Variants in WNT5B observed in about 807,000 individuals in gnomAD.
WNT5B encodes Wnt family member 5B.
WNT5B carries 18 observed loss-of-function variants against 36.5 expected under a neutral mutation model. That is an observed-to-expected ratio of 0.49 (90% CI 0.34 to 0.73). WNT5B has a LOEUF of 0.73. Ranked by LOEUF, WNT5B falls within the 30% of genes least tolerant of loss-of-function variation. The pLI is 0.01. For synonymous variants in WNT5B, 213 were observed against 212.3 expected, an observed-to-expected ratio of 1.00 and a Z score of -0.03; for missense variants, 424 against 508.4, an observed-to-expected ratio of 0.83 and a Z score of 1.60.
chr12:1,621,724 T>G (rs1592514495), intron 1 of WNT5B, among the ~76,000 whole-genome samples: 1 of 130,056 alleles, frequency 7.7e-6, no homozygotes, highest in African/African-American at 3.0e-5. Flanking sequence ...TTTTTTTTTT[T>G]GGTAGAGATG....
Position 1,645,853 on chromosome 12 carries a change from C to A in WNT5B, c.681C>A (p.Ser227Arg). 6.2e-7 allele frequency: 1 copy of A among 1,609,852 alleles called. No homozygotes were observed. Among genetic ancestry groups the A allele is most frequent in the Admixed American group, 1.7e-5 (1 of 59,886 alleles). Residue 227 changes from serine to arginine, a missense_variant, in exon 5 of 5, where the codon AGC becomes AGA. Physicochemically the swap from Ser to Arg is moderately radical, Grantham distance 110 (BLOSUM62 -1). Coordinates refer to ENST00000397196, the MANE Select transcript of WNT5B (RefSeq NM_032642.3). ...CKCHGVSGSC[S>R]LKTCWLQLAE... ...GCCACGGCGTCTCGGGGTCCTGCAG[C>A]CTCAAGACCTGCTGGCTGCAGCTGG...
At chr12:1,626,581 T>G (rs562098882), upstream of WNT5B, among the ~76,000 whole-genome samples, 1 of 150,580 alleles carries the variant, frequency 6.6e-6, no homozygotes, top group East Asian at 1.9e-4. Context: ...TTTTTTTTTT[T>G]TCAGACGGAG....
At chr12:1,640,271 G>T (rs910621043) in intron 4 of WNT5B, among the ~76,000 whole-genome samples, 7 of 152,134 alleles carry the variant, frequency 4.6e-5, no homozygotes, top group Non-Finnish European at 1.5e-5. Flanking sequence ...AATTCCAGAC[G>T]TAAGGATTAG....
chr12:1,623,187 G>GTTGTTTTTTTTT (rs1555156806), intron 1 of WNT5B, among the ~76,000 whole-genome samples: 14 of 58,366 alleles, frequency 2.4e-4, no homozygotes, highest in African/African-American at 9.4e-4. Flanking sequence ...GTTTTTTGTT[G>GTTGTTTTTTTTT]TTTTTTTTTT....
chr12:1,627,569 C>A (rs142072115), upstream of WNT5B, among the ~76,000 whole-genome samples: 5 of 152,248 alleles, frequency 3.3e-5, no homozygotes, highest in Non-Finnish European at 7.4e-5. The surrounding 1 kb of genome is among the most constrained non-coding windows in gnomAD (Gnocchi z 5.0). Context: ...ATGGACATGG[C>A]CCCTTAAGGA....
Position 1,639,690 on chromosome 12 carries a change from G to T in WNT5B, c.335G>T (p.Arg112Leu). 1.9e-6 allele frequency: 3 copies of T among 1,559,396 alleles called. No individual in the cohort carries two copies. The highest frequency in any genetic ancestry group is 1.2e-5 in the South Asian group (1 of 85,346). Residue 112 changes from arginine (R) to leucine (L), a missense_variant, in exon 4 of 5, where the codon CGA (arginine) becomes CTA (leucine). Coordinates refer to ENST00000397196, the MANE Select transcript of WNT5B (RefSeq NM_032642.3). The stretch of plus-strand genomic sequence containing the variant: ...CCCTGGCCTCATTCTGCAGGCAGCC[G>T]AGAGACCGCCTTCACCCACGCGGTG... ...VFGRVMQIGS[R>L]ETAFTHAVSA...
intron 3 of WNT5B, among the ~76,000 whole-genome samples, chr12:1,635,473 C>A (rs1010956479): frequency 6.6e-6 from 1 of 152,214 alleles, no homozygotes; most frequent in Non-Finnish European, 1.5e-5. Context: ...AGGCAGGAAT[C>A]ATAAGGAGGC....
At chr12:1,645,754 C>T (rs764405644) in intron 4 of WNT5B, 40 bp from the exon 5 acceptor site, 21 of 1,534,168 alleles carry the variant, frequency 1.4e-5, no homozygotes, top group Admixed American at 3.9e-5. Context: ...CCTCTTCCAC[C>T]GGGATCCTCC....
At chr12:1,626,843 T>C (rs34211465), upstream of WNT5B, among the ~76,000 whole-genome samples, 3 of 151,904 alleles carry the variant, frequency 2.0e-5, no homozygotes, top group Non-Finnish European at 4.4e-5. Flanking sequence ...GGGGTTACAG[T>C]TGTGAGCCAC....
In WNT5B at chr12:1,620,695, C is replaced by T. The variant is rs539660445; in HGVS notation, c.-58+3552C>T. ...CTGGGACTACAGGCACCCGCCACCA[C>T]ACCCAGCAAATTTTTTTTTTTTTTT... On this transcript the variant is annotated intron_variant, in intron 1 of 4. Coordinates refer to the WNT5B transcript ENST00000310594. Among the ~76,000 whole-genome samples the T allele has an allele frequency of 3.7e-5, 5 of 136,114 alleles. No homozygotes were observed. In the South Asian group the frequency reaches 1.3e-3, roughly 35 times the overall value. 89.3% of individuals were successfully genotyped at this position (136,114 alleles called of 152,430 possible). A position where few individuals can be genotyped will look rare whatever the true frequency, so the allele number is the denominator to read the frequency against.
At position 1,630,119 on chromosome 12, in the gene WNT5B, C is replaced by A; in HGVS notation, c.-58+748C>A. On this transcript the variant is annotated intron_variant, in intron 1 of 4. Transcript: ENST00000397196. This position sits in a 1 kb window ranked among gnomAD's most constrained non-coding sequence, Gnocchi z 5.3. Reference sequence around the variant, plus strand: ...TGGCGGCCCCAGGACAAAAATACTTCCCGGGCTGATGACCCGAAGCACCCG... The same window carrying A: ...TGGCGGCCCCAGGACAAAAATACTTACCGGGCTGATGACCCGAAGCACCCG... The A allele has an allele frequency of 1.0e-6, 1 of 985,484 alleles. No individual in the cohort carries two copies. Among genetic ancestry groups the A allele is most frequent in the Non-Finnish European group, 1.2e-6 (1 of 830,004 alleles). The allele number at this position is 985,484 out of a possible 1,614,324, so 61.0% of individuals were successfully genotyped here.
At chr12:1,628,532 T>C (rs1056533213), upstream of WNT5B, among the ~76,000 whole-genome samples, 4 of 152,314 alleles carry the variant, frequency 2.6e-5, no homozygotes, top group African/African-American at 7.2e-5. Context: ...CAAAGGCCTT[T>C]TCCTGCCTGT....
chr12:1,634,077 GA>G (rs1359948132), intron 3 of WNT5B, among the ~76,000 whole-genome samples: 1 of 152,140 alleles, frequency 6.6e-6, no homozygotes, highest in Non-Finnish European at 1.5e-5. Context: ...GAGAGAGAGG[GA>G]ATTAAAGATG....
chr12:1,617,521 T>C (rs1318908648), intron 1 of WNT5B, among the ~76,000 whole-genome samples: 1 of 151,822 alleles, frequency 6.6e-6, no homozygotes, highest in Non-Finnish European at 1.5e-5. Flanking sequence ...TCTCAGCTAC[T>C]CAGGATGCTG....
upstream of WNT5B, among the ~76,000 whole-genome samples, chr12:1,626,143 G>A (rs113119062): frequency 0.1 from 15,361 of 151,588 alleles, 889 homozygotes; most frequent in Middle Eastern, 0.26. Context: ...TTTTTTTGTA[G>A]AGACAGGGTC....
chr12:1,637,612 C>T (rs569219431), intron 3 of WNT5B, among the ~76,000 whole-genome samples: 63 of 149,668 alleles, frequency 4.2e-4, no homozygotes, highest in Middle Eastern at 3.5e-3. Context: ...TAGCCAGGCG[C>T]GGTGGCAGGT....
chr12:1,629,810 A>C, intron 1 of WNT5B: 2 of 43,230 alleles, frequency 4.6e-5, no homozygotes, highest in Admixed American at 2.7e-4. Context: ...TTATGGGGGG[A>C]GAGGAGAGGG....
chr12:1,617,566 A>T (rs1290327488), intron 1 of WNT5B, among the ~76,000 whole-genome samples: 1 of 152,040 alleles, frequency 6.6e-6, no homozygotes, highest in African/African-American at 2.4e-5. Context: ...GAGAGATCAG[A>T]GCTGCAGTGA....
At position 1,630,082 on chromosome 12, in the gene WNT5B, A is replaced by G; in HGVS notation, c.-58+711A>G. The G allele has an allele frequency of 1.0e-6, 1 of 971,690 alleles. No homozygotes were observed. Among genetic ancestry groups the G allele is most frequent in the Non-Finnish European group, 1.2e-6 (1 of 817,430 alleles). 60.2% of individuals were successfully genotyped at this position (971,690 alleles called of 1,614,324 possible). A position where few individuals can be genotyped will look rare whatever the true frequency, so the allele number is the denominator to read the frequency against. ...AGCTCTCCTGGACCCTGCTCGGGCC[A>G]CTGTCCTCTCCTGGCGGCCCCAGGA... is the stretch of plus-strand genomic sequence containing the variant. On this transcript the variant is annotated intron_variant, in intron 1 of 4. Transcript: ENST00000397196. This position sits in a 1 kb window ranked among gnomAD's most constrained non-coding sequence, Gnocchi z 5.3.
Sources: allele counts gnomAD v4.1 joint callset (sites outside exome capture counted in the v4.1 genomes callset), GRCh38; gene constraint gnomAD v4.1.1; non-coding constraint Gnocchi (gnomAD v3.1); transcripts MANE v1.5; gene names NCBI Gene and HGNC (gene_info 2026-07-23, HGNC 2026-07-21).